DOCK2: variants seen among roughly 807,000 people sequenced by gnomAD.
DOCK2 encodes dedicator of cytokinesis protein 2.
DOCK2 carries 87 observed loss-of-function variants against 248.9 expected under a neutral mutation model. The ratio of observed to expected loss-of-function variants is 0.35; its 90% CI spans 0.29 to 0.42. The LOEUF (loss-of-function observed/expected upper bound fraction) is 0.42, where lower values mean the gene tolerates loss of function less well. DOCK2 is among the 10% of genes least tolerant of loss of function. The probability of loss-of-function intolerance (pLI) is 1.00; values close to 1 mark genes in which losing one functional copy is unlikely to be tolerated. For synonymous variants in DOCK2, 805 were observed against 821.6 expected (o/e 0.98, Z 0.35); for missense variants, 1,747 against 2,300.2 (o/e 0.76, Z 4.92).
intron 27 of DOCK2, among the ~76,000 whole-genome samples, chr5:169,862,485 C>T (rs1771266529): frequency 6.6e-6 from 1 of 151,734 alleles, no homozygotes; most frequent in African/African-American, 2.4e-5. Flanking sequence ...GGCCAACTGA[C>T]AGTTGATCGT....
At chr5:169,678,947 A>G (rs1177796773) in intron 6 of DOCK2, among the ~76,000 whole-genome samples, 1 of 152,116 alleles carries the variant, frequency 6.6e-6, no homozygotes, top group Non-Finnish European at 1.5e-5. Context: ...GGAGGGAGAG[A>G]ATGTGGGAGA....
intron 27 of DOCK2, among the ~76,000 whole-genome samples, chr5:169,960,923 G>C (rs1341665783): frequency 2.6e-5 from 4 of 152,130 alleles, no homozygotes; most frequent in Non-Finnish European, 5.9e-5. Flanking sequence ...AGTATATATA[G>C]GGTTCAGTAT....
chr5:169,768,303 G>A lies in DOCK2; in HGVS notation c.2554+6678G>A, dbSNP rs1764905171. Among the ~76,000 whole-genome samples, 3 of 152,240 alleles carry A rather than the reference G, an allele frequency of 2.0e-5. No homozygotes were observed. In the South Asian group the frequency reaches 6.2e-4, roughly 31 times the overall value. On this transcript the variant is annotated intron_variant, in intron 25 of 51. Coordinates refer to ENST00000520908, the MANE Select transcript of DOCK2 (RefSeq NM_004946.3). The stretch of plus-strand genomic sequence containing the variant: ...ATATTTGATGAGCGCTGTCTCTACG[G>A]CTCACAGGTAGTAAGTGCTGGAGCT...
intron 27 of DOCK2, among the ~76,000 whole-genome samples, chr5:169,929,224 A>G (rs994947426): frequency 6.6e-6 from 1 of 152,214 alleles, no homozygotes. Flanking sequence ...CAAAGCCCCA[A>G]GGGCCAGTAT....
chr5:170,054,364 G>C (rs1398019425), intron 41 of DOCK2, among the ~76,000 whole-genome samples: 2 of 152,104 alleles, frequency 1.3e-5, no homozygotes, highest in African/African-American at 2.4e-5. Flanking sequence ...GGAAAGGGAA[G>C]AGGGGTCAGG....
At chr5:169,993,741 A>G (rs1230625783) in intron 29 of DOCK2, among the ~76,000 whole-genome samples, 1 of 152,212 alleles carries the variant, frequency 6.6e-6, no homozygotes, top group African/African-American at 2.4e-5. Context: ...AGCTTCAGTG[A>G]GGCTTTCCTA....
chr5:169,684,604 G>T (rs1463659933), intron 8 of DOCK2, among the ~76,000 whole-genome samples: 1 of 152,216 alleles, frequency 6.6e-6, no homozygotes, highest in Non-Finnish European at 1.5e-5. Flanking sequence ...AAAGCAGTCA[G>T]AAATAACAAG....
At chr5:169,859,071 G>T (rs954596599) in intron 27 of DOCK2, among the ~76,000 whole-genome samples, 6 of 152,104 alleles carry the variant, frequency 3.9e-5, no homozygotes, top group African/African-American at 1.2e-4. Flanking sequence ...AGACCTGTTG[G>T]GGAGGTTCCT....
At chr5:169,875,356 G>A (rs749626471) in intron 27 of DOCK2, 19 of 456,214 alleles carry the variant, frequency 4.2e-5, no homozygotes, top group African/African-American at 1.0e-4. Flanking sequence ...CCACGACCAC[G>A]CTTTGGGAGC....
chr5:169,821,013 G>A (rs1232060694), intron 26 of DOCK2, among the ~76,000 whole-genome samples: 9 of 152,168 alleles, frequency 5.9e-5, no homozygotes, highest in Admixed American at 4.6e-4. Flanking sequence ...GGAAGAACGG[G>A]TATCTGTGAT....
At chr5:169,995,177 C>T (rs1418668843) in intron 29 of DOCK2, among the ~76,000 whole-genome samples, 1 of 151,904 alleles carries the variant, frequency 6.6e-6, no homozygotes, top group East Asian at 1.9e-4. Context: ...TACTGGCGTG[C>T]ACCACAACGC....
chr5:169,730,890 C>CTCTT (rs570385635), intron 22 of DOCK2, among the ~76,000 whole-genome samples: 1 of 145,490 alleles, frequency 6.9e-6, no homozygotes, highest in African/African-American at 2.8e-5. Context: ...CTCTCTCTCT[C>CTCTT]TTTTTTTTAG....
chr5:169,698,414 T>C lies in DOCK2; in HGVS notation c.1020T>C (p.Ser340=). ...ACATCATCAAGGGGAAAGCAGAGAG[T>C]GATGAAGAAAAGCAGCACTTCATTC... ...ITDIIKGKAE[S]DEEKQHFIPF... is the part of the protein sequence containing the mutation. Residue 340 remains serine (S), a synonymous_variant, in exon 11 of 52, where the codon AGT becomes AGC. Transcript: ENST00000520908. The C allele has an allele frequency of 6.2e-7, 1 of 1,614,002 alleles. No individual in the cohort carries two copies. The highest frequency in any genetic ancestry group is 2.2e-5 in the East Asian group (1 of 44,862).
Position 170,051,685 on chromosome 5 carries a change from A to G in DOCK2, c.4213+1288A>G, listed in dbSNP as rs112373751. 7.7e-3 allele frequency among the ~76,000 whole-genome samples: 1,167 copies of G among 152,284 alleles called. 9 individuals are homozygous for G. The highest frequency in any genetic ancestry group is 0.026 in the African/African-American group (1,096 of 41,542). The stretch of plus-strand genomic sequence containing the variant: ...GCTAGAATGTCGGCTCCACGAGGGA[A>G]GATGCTTGCCCTGGCTTGCTCCCTG... On this transcript the variant is annotated intron_variant, in intron 41 of 51. Transcript: ENST00000520908.
At chr5:170,036,446 C>T (rs887029172) in intron 35 of DOCK2, 69 bp from the exon 36 acceptor site, 5 of 1,499,708 alleles carry the variant, frequency 3.3e-6, no homozygotes, top group Non-Finnish European at 4.6e-6. Context: ...TCATCTTCAT[C>T]ACCACACCCT....
intron 27 of DOCK2, among the ~76,000 whole-genome samples, chr5:169,971,764 C>G (rs1777517035): frequency 6.6e-6 from 1 of 152,240 alleles, no homozygotes; most frequent in Non-Finnish European, 1.5e-5. Flanking sequence ...CATCCTATTA[C>G]CTACAAATTG....
intron 5 of DOCK2, among the ~76,000 whole-genome samples, chr5:169,673,926 C>T (rs1296469510): frequency 6.6e-6 from 1 of 152,184 alleles, no homozygotes; most frequent in Non-Finnish European, 1.5e-5. Context: ...TAGAAGCAGT[C>T]CTTTATCACC....
intron 27 of DOCK2, among the ~76,000 whole-genome samples, chr5:169,937,422 A>G (rs923726625): frequency 1.3e-5 from 2 of 152,244 alleles, no homozygotes; most frequent in African/African-American, 2.4e-5. Flanking sequence ...AATAGGGATG[A>G]TACAAAGACT....
At chr5:169,903,446 G>A (rs1774069714) in intron 27 of DOCK2, among the ~76,000 whole-genome samples, 1 of 151,626 alleles carries the variant, frequency 6.6e-6, no homozygotes, top group Non-Finnish European at 1.5e-5. Context: ...TGGTGTGAGT[G>A]TGAAGGCTGG....
Sources: allele counts gnomAD v4.1 joint callset (sites outside exome capture counted in the v4.1 genomes callset), GRCh38; gene constraint gnomAD v4.1.1; transcripts MANE v1.5; gene names NCBI Gene and HGNC (gene_info 2026-07-23, HGNC 2026-07-21).